The following CD2AP variants were observed in gnomAD, a reference collection of about 807,000 sequenced individuals.
CD2AP encodes the protein CD2 associated protein.
Under a neutral mutation model 85.1 loss-of-function variants are expected in CD2AP, and 46 were observed. That is an observed-to-expected ratio of 0.54 (90% CI 0.43 to 0.69). The LOEUF (loss-of-function observed/expected upper bound fraction) is 0.69. CD2AP is among the 30% of genes least tolerant of loss of function. The pLI is 0.00. For synonymous variants in CD2AP, 255 were observed against 252.9 expected (o/e 1.01, Z -0.08); for missense variants, 769 against 729.5 (o/e 1.05, Z -0.62).
rs559273632 is a variant in CD2AP at position 47,507,705 on chromosome 6, A to G, written c.165+4265A>G. Among the ~76,000 whole-genome samples, 13 of 152,306 alleles carry G rather than the reference A, an allele frequency of 8.5e-5. No individual in the cohort carries two copies. The East Asian group carries it at 2.3e-3, about 27-fold the overall frequency. ...CGTGATCTGCCCGCCTTGGCCTCAGAAAATGCAGAGATTACAGGTGTGAGC... is the reference window on the plus strand; with the variant it reads ...CGTGATCTGCCCGCCTTGGCCTCAGGAAATGCAGAGATTACAGGTGTGAGC... On this transcript the variant is annotated intron_variant, in intron 2 of 17. Coordinates refer to ENST00000359314, the MANE Select transcript of CD2AP (RefSeq NM_012120.3).
At chr6:47,622,199 C>T (rs989306170) in intron 17 of CD2AP, among the ~76,000 whole-genome samples, 1 of 152,132 alleles carries the variant, frequency 6.6e-6, no homozygotes, top group Non-Finnish European at 1.5e-5. Flanking sequence ...ACCGTGCCTC[C>T]CCCAACAGCC....
intron 5 of CD2AP, among the ~76,000 whole-genome samples, chr6:47,567,940 C>T (rs1768046266): frequency 6.6e-6 from 1 of 152,098 alleles, no homozygotes; most frequent in Non-Finnish European, 1.5e-5. Context: ...GGAGAAGAGA[C>T]TGAGCTGCTG....
In CD2AP at chr6:47,579,377, C is replaced by T. The variant is rs759941391; in HGVS notation, c.904-8C>T. On this transcript the variant is annotated splice_region_variant and splice_polypyrimidine_tract_variant and intron_variant, in intron 8 of 17. Transcript: ENST00000359314. ...CTATTGTCTTAATTATTCTATTTTG[C>T]TTTTTAGGAGACTGGAGAAGCTGGC... The T allele has an allele frequency of 5.9e-6, 8 of 1,358,766 alleles. No individual in the cohort carries two copies. The highest frequency in any genetic ancestry group is 1.2e-5 in the South Asian group (1 of 85,818). 84.2% of individuals were successfully genotyped at this position (1,358,766 alleles called of 1,614,324 possible).
At chr6:47,481,526 A>G (rs1181902490) in intron 1 of CD2AP, among the ~76,000 whole-genome samples, 1 of 151,946 alleles carries the variant, frequency 6.6e-6, no homozygotes, top group Non-Finnish European at 1.5e-5. Context: ...TTGCATTTTT[A>G]GTAGAGACAG....
At chr6:47,517,111 T>G (rs909707693) in intron 2 of CD2AP, among the ~76,000 whole-genome samples, 1 of 152,032 alleles carries the variant, frequency 6.6e-6, no homozygotes, top group African/African-American at 2.4e-5. Context: ...GATCTGGCTA[T>G]TTAAAAGAGT....
At chr6:47,613,789 A>G (rs1769508260) in intron 17 of CD2AP, among the ~76,000 whole-genome samples, 1 of 152,210 alleles carries the variant, frequency 6.6e-6, no homozygotes, top group Non-Finnish European at 1.5e-5. Context: ...GAAGTCCTAG[A>G]TGATATCTTC....
At chr6:47,556,953 T>C (rs2218356) in intron 5 of CD2AP, among the ~76,000 whole-genome samples, 91,844 of 151,930 alleles carry the variant, frequency 0.6, 28,565 homozygotes, top group Middle Eastern at 0.74. Context: ...AGTGTACAGG[T>C]GTTCCCATTT....
In CD2AP at chr6:47,572,339, A is replaced by G. The variant is rs183343353; in HGVS notation, c.542-1725A>G. The stretch of plus-strand genomic sequence containing the variant: ...TATCTTGTTGTATTTACATGGTGCG[A>G]CATTTGTCAAACATTACTGAAATGC... On this transcript the variant is annotated intron_variant, in intron 5 of 17. Coordinates refer to ENST00000359314, the MANE Select transcript of CD2AP (RefSeq NM_012120.3). 5.3e-5 allele frequency among the ~76,000 whole-genome samples: 8 copies of G among 152,328 alleles called. No individual in the cohort carries two copies. The East Asian group carries it at 1.5e-3, about 29-fold the overall frequency.
intron 2 of CD2AP, among the ~76,000 whole-genome samples, chr6:47,517,284 CTTTT>C (rs746217015): frequency 2.1e-5 from 3 of 141,444 alleles, no homozygotes; most frequent in Admixed American, 7.2e-5. Flanking sequence ...AATTAAACTT[CTTTT>C]TTTTTTTTTT....
At chr6:47,608,384 A>G (rs1040897300) in intron 15 of CD2AP, among the ~76,000 whole-genome samples, 2 of 152,178 alleles carry the variant, frequency 1.3e-5, no homozygotes, top group African/African-American at 4.8e-5. Flanking sequence ...CATTCAGTAT[A>G]TACTGGAATT....
chr6:47,504,844 TA>T (rs767219776), intron 2 of CD2AP, among the ~76,000 whole-genome samples: 2 of 152,048 alleles, frequency 1.3e-5, no homozygotes, highest in East Asian at 3.9e-4. Flanking sequence ...CGCATTATAT[TA>T]AAAAAAGCAA....
chr6:47,547,125 CAA>C (rs1327800733), intron 4 of CD2AP, among the ~76,000 whole-genome samples: 1 of 151,920 alleles, frequency 6.6e-6, no homozygotes, highest in South Asian at 2.1e-4. Flanking sequence ...AGTTAAAAAA[CAA>C]AGACAAAAAA....
chr6:47,551,194 GAA>G (rs1008612649), intron 4 of CD2AP, among the ~76,000 whole-genome samples: 1 of 150,026 alleles, frequency 6.7e-6, no homozygotes, highest in African/African-American at 2.4e-5. Flanking sequence ...ATAAAAAAAA[GAA>G]AAAAAAATTT....
In CD2AP at chr6:47,574,224, T is replaced by C; in HGVS notation, c.702T>C (p.Ser234=). 6.2e-7 allele frequency: 1 copy of C among 1,613,996 alleles called. No individual in the cohort carries two copies. Among genetic ancestry groups the C allele is most frequent in the Non-Finnish European group, 8.5e-7 (1 of 1,179,930 alleles). Residue 234 remains serine (S), a synonymous_variant, in exon 6 of 18, where the codon AGT becomes AGC. Coordinates refer to ENST00000359314, the MANE Select transcript of CD2AP (RefSeq NM_012120.3). ...SVKLRTRTSS[S]ETEEKKPEKP... The stretch of plus-strand genomic sequence containing the variant: ...AACTTCGGACAAGAACATCCAGTAG[T>C]GAAACAGAAGAGAAAAAACCAGAAA...
At position 47,503,281 on chromosome 6, in the gene CD2AP, T is replaced by C. The variant is rs1249558216; in HGVS notation, c.6T>C (p.Val2=). ...TTTCGTTTTTTCCCCCTTTTTTAGT[T>C]GACTATATTGTGGAGTATGACTATG... M[V]DYIVEYDYDA... is the part of the protein sequence containing the mutation. Residue 2 remains valine (V), a splice_region_variant and synonymous_variant, in exon 2 of 18, where the codon GTT becomes GTC. Transcript: ENST00000359314. The C allele has an allele frequency of 1.2e-6, 2 of 1,613,470 alleles. No individual in the cohort carries two copies. The highest frequency in any genetic ancestry group is 1.7e-6 in the Non-Finnish European group (2 of 1,179,556).
Position 47,561,158 on chromosome 6 carries a change from C to T in CD2AP, c.541+6392C>T, listed in dbSNP as rs73736420. Among the ~76,000 whole-genome samples, 831 of 152,270 alleles carry T rather than the reference C, an allele frequency of 5.5e-3. 9 individuals carry two copies. Among genetic ancestry groups the T allele is most frequent in the African/African-American group, 0.019 (796 of 41,548 alleles). ...CTTTATTGGAGGTACAATTTACATA[C>T]AGTAATTGTGTCCCTTTAAAATATA... On this transcript the variant is annotated intron_variant, in intron 5 of 17. Transcript: ENST00000359314.
At chr6:47,595,837 C>T (rs531068371) in intron 11 of CD2AP, 24 bp from the exon 12 acceptor site, 2 of 1,597,382 alleles carry the variant, frequency 1.3e-6, no homozygotes, top group East Asian at 2.2e-5. Flanking sequence ...TTGTTAATAA[C>T]TTGTGAAATA....
intron 17 of CD2AP, among the ~76,000 whole-genome samples, chr6:47,618,624 CT>C (rs1444254255): frequency 6.6e-6 from 1 of 151,964 alleles, no homozygotes; most frequent in Non-Finnish European, 1.5e-5. Flanking sequence ...CGTTTTTTGA[CT>C]TTTTTCTTAC....
chr6:47,513,778 C>T (rs980398060), intron 2 of CD2AP, among the ~76,000 whole-genome samples: 1 of 151,722 alleles, frequency 6.6e-6, no homozygotes, highest in East Asian at 1.9e-4. Flanking sequence ...GATTTGCTGA[C>T]TCCTAGGGTG....
Sources: allele counts gnomAD v4.1 joint callset (sites outside exome capture counted in the v4.1 genomes callset), GRCh38; gene constraint gnomAD v4.1.1; transcripts MANE v1.5; gene names NCBI Gene and HGNC (gene_info 2026-07-23, HGNC 2026-07-21).